Variants in CA10 observed in about 807,000 individuals in gnomAD.
CA10 encodes the protein carbonic anhydrase 10 (inactive).
In CA10, 14 loss-of-function variants were observed where a neutral mutation model predicts 44.2. That is an observed-to-expected ratio of 0.32 (90% CI 0.21 to 0.50). The LOEUF (loss-of-function observed/expected upper bound fraction) is 0.50. Ranked by LOEUF, CA10 falls within the 20% of genes least tolerant of loss-of-function variation. The pLI is 0.99. For missense variants in CA10, 350 were observed against 409.7 expected, an observed-to-expected ratio of 0.85 and a Z score of 1.26; for synonymous variants, 159 against 141.6, an observed-to-expected ratio of 1.12 and a Z score of -0.87.
chr17:51,891,633 G>A (rs764877320), intron 3 of CA10, among the ~76,000 whole-genome samples: 1 of 152,200 alleles, frequency 6.6e-6, no homozygotes, highest in Non-Finnish European at 1.5e-5. Flanking sequence ...AATAGACAGT[G>A]GTTTACATGA....
At chr17:51,719,468 G>T (rs1916282378) in intron 4 of CA10, among the ~76,000 whole-genome samples, 2 of 152,172 alleles carry the variant, frequency 1.3e-5, no homozygotes, top group African/African-American at 4.8e-5. Flanking sequence ...GGACACAGCA[G>T]GTCTCAGAAA....
intron 2 of CA10, among the ~76,000 whole-genome samples, chr17:52,029,343 A>C (rs927285294): frequency 1.3e-5 from 2 of 152,148 alleles, no homozygotes; most frequent in African/African-American, 4.8e-5. Flanking sequence ...TTTTGTCAAC[A>C]AGCCCAATCA....
At chr17:51,772,027 G>C (rs1430203520) in intron 3 of CA10, among the ~76,000 whole-genome samples, 1 of 152,156 alleles carries the variant, frequency 6.6e-6, no homozygotes, top group Non-Finnish European at 1.5e-5. Context: ...GTGATGCCTC[G>C]TGGAGTGCTC....
At chr17:52,028,639 A>C (rs1313378106) in intron 2 of CA10, among the ~76,000 whole-genome samples, 4 of 152,164 alleles carry the variant, frequency 2.6e-5, no homozygotes, top group African/African-American at 9.6e-5. Flanking sequence ...TGCTCTGGAA[A>C]AGCAACTAAA....
chr17:51,945,334 C>T (rs1032118021), intron 2 of CA10, among the ~76,000 whole-genome samples: 5 of 152,076 alleles, frequency 3.3e-5, no homozygotes, highest in African/African-American at 1.2e-4. Context: ...GACTGGGGCT[C>T]CATCAAGGGT....
chr17:51,701,135 T>A (rs531754577), intron 4 of CA10, among the ~76,000 whole-genome samples: 218 of 152,172 alleles, frequency 1.4e-3, no homozygotes, highest in African/African-American at 5.1e-3. Context: ...GCTGGCAGGG[T>A]TGGTTCCTTC....
chr17:52,116,823 T>A (rs988253548), intron 1 of CA10, among the ~76,000 whole-genome samples: 1 of 152,168 alleles, frequency 6.6e-6, no homozygotes, highest in African/African-American at 2.4e-5. Context: ...GTAAGAGGAA[T>A]GATAAGAATC....
At chr17:52,140,610 G>T (rs187200474) in intron 1 of CA10, among the ~76,000 whole-genome samples, 78 of 152,264 alleles carry the variant, frequency 5.1e-4, no homozygotes, top group African/African-American at 1.9e-3. Context: ...GGCTGGATTT[G>T]GTCAGTGGGC....
In CA10 at chr17:51,699,957, T is replaced by C. The variant is rs1915534333; in HGVS notation, c.466-46221A>G. Among the ~76,000 whole-genome samples, 6 of 152,264 alleles carry C rather than the reference T, an allele frequency of 3.9e-5. No individual in the cohort carries two copies. The South Asian group carries it at 1.2e-3, about 32-fold the overall frequency. On this transcript the variant is annotated intron_variant, in intron 4 of 8. Transcript: ENST00000451037. The stretch of plus-strand genomic sequence containing the variant: ...AAAAATGTTTCCACAGCTGTTCCTT[T>C]ATTTGATTCTTGCAACATCCCCATG...
At chr17:51,734,179 G>T (rs1484186566) in intron 4 of CA10, among the ~76,000 whole-genome samples, 5 of 31,870 alleles carry the variant, frequency 1.6e-4, no homozygotes, top group Admixed American at 3.2e-4. Context: ...ATCTTTGGTT[G>T]GGGGGGGGGG....
At chr17:52,045,192 T>C (rs1986878341) in intron 2 of CA10, among the ~76,000 whole-genome samples, 1 of 150,968 alleles carries the variant, frequency 6.6e-6, no homozygotes, top group African/African-American at 2.4e-5. Context: ...ATCAACCTAC[T>C]TAGATTTTAT....
Position 52,136,141 on chromosome 17 carries a change from C to T in CA10, c.61+21585G>A, listed in dbSNP as rs138691579. Among the ~76,000 whole-genome samples, 31 of 152,232 alleles carry T rather than the reference C, an allele frequency of 2.0e-4. No homozygotes were observed. The East Asian group carries it at 2.5e-3, about 12-fold the overall frequency. On this transcript the variant is annotated intron_variant, in intron 1 of 8. Transcript: ENST00000451037. ...TGGAGACAAGTCTCAGAGAAAAAGA[C>T]GAGGCTGGCAGAATATAAGAGAAAG...
intron 4 of CA10, among the ~76,000 whole-genome samples, chr17:51,715,722 G>A (rs369886421): frequency 7.7e-4 from 117 of 151,726 alleles, no homozygotes; most frequent in African/African-American, 2.4e-3. Flanking sequence ...ACGGAGTCTC[G>A]CTCTGTTACC....
chr17:51,930,859 A>T, intron 3 of CA10, 131 bp downstream of exon 3: 1 of 999,440 alleles, frequency 1.0e-6, no homozygotes, highest in Admixed American at 2.3e-5. Flanking sequence ...TAATGGCGGC[A>T]GGTCTGAAGT....
rs190140847 is a variant in CA10 at position 51,997,452 on chromosome 17, T to C, written c.137-66320A>G. On this transcript the variant is annotated intron_variant, in intron 2 of 8. Transcript: ENST00000451037. ...AGTAGATGGTATGTTCTTAGTTTGG[T>C]CCATGGATAATCAATTATTGATGAA... Among the ~76,000 whole-genome samples the C allele has an allele frequency of 5.3e-5, 8 of 152,212 alleles. No homozygotes were observed. The East Asian group carries it at 1.6e-3, about 30-fold the overall frequency.
At chr17:52,083,459 T>A (rs955151574) in intron 1 of CA10, among the ~76,000 whole-genome samples, 3 of 152,192 alleles carry the variant, frequency 2.0e-5, no homozygotes, top group African/African-American at 4.8e-5. Context: ...TGCAGTTTTT[T>A]AAATACAGAT....
chr17:51,987,448 C>A (rs1009297476), intron 2 of CA10, among the ~76,000 whole-genome samples: 4 of 151,834 alleles, frequency 2.6e-5, no homozygotes, highest in Non-Finnish European at 4.4e-5. Context: ...GTAATGGGTG[C>A]ACCAAAATCT....
intron 2 of CA10, among the ~76,000 whole-genome samples, chr17:52,069,479 C>T (rs928300578): frequency 6.6e-6 from 1 of 152,168 alleles, no homozygotes; most frequent in Non-Finnish European, 1.5e-5. Context: ...AGGTAAACAA[C>T]ATCTGTTAAA....
intron 4 of CA10, among the ~76,000 whole-genome samples, chr17:51,710,492 C>T (rs1915900374): frequency 6.6e-6 from 1 of 152,160 alleles, no homozygotes; most frequent in Non-Finnish European, 1.5e-5. Flanking sequence ...CCTGACTTCT[C>T]ACCACCAGCA....
Sources: allele counts gnomAD v4.1 joint callset (sites outside exome capture counted in the v4.1 genomes callset), GRCh38; gene constraint gnomAD v4.1.1; transcripts MANE v1.5; gene names NCBI Gene and HGNC (gene_info 2026-07-23, HGNC 2026-07-21).